CENPC: variants seen among roughly 807,000 people sequenced by gnomAD.
The protein encoded by CENPC is centromere protein C.
In CENPC, 63 loss-of-function variants were observed where a neutral mutation model predicts 112.1. The ratio of observed to expected loss-of-function variants is 0.56; its 90% CI spans 0.46 to 0.69. The LOEUF is 0.69. Among genes scored for constraint, CENPC ranks in the 30% least tolerant of loss-of-function variants. CENPC has a pLI of 0.00. For missense variants in CENPC, 1,000 were observed against 1,103.8 expected (o/e 0.91, Z 1.33); for synonymous variants, 333 against 367.6 (o/e 0.91, Z 1.08).
chr4:67,478,474 T>A (rs1216767246), intron 17 of CENPC, among the ~76,000 whole-genome samples: 1 of 152,044 alleles, frequency 6.6e-6, no homozygotes, highest in Admixed American at 6.5e-5. Flanking sequence ...GAAAGAAAGA[T>A]AAAGTCTTTT....
At chr4:67,494,471 G>A (rs1387614157) in intron 13 of CENPC, among the ~76,000 whole-genome samples, 1 of 152,034 alleles carries the variant, frequency 6.6e-6, no homozygotes, top group Non-Finnish European at 1.5e-5. Flanking sequence ...TTCACCCCAA[G>A]ACAAGCATTA....
At chr4:67,527,489 C>A (rs1472221374) in intron 5 of CENPC, among the ~76,000 whole-genome samples, 1 of 140,740 alleles carries the variant, frequency 7.1e-6, no homozygotes, top group African/African-American at 2.6e-5. Context: ...ATTTTCACCC[C>A]ATCCTTTTTT....
Position 67,495,179 on chromosome 4 carries a change from T to A in CENPC, c.2165A>T (p.Asn722Ile). Residue 722 changes from asparagine to isoleucine, a missense_variant, in exon 13 of 19, where the codon AAC becomes ATC. Transcript: ENST00000273853. Reference sequence around the variant, plus strand: ...CTTACCTAGTTTGTGATGGATTCTGTTCTTTGGTATCACTTTAGATTGTTT... The same window carrying A: ...CTTACCTAGTTTGTGATGGATTCTGATCTTTGGTATCACTTTAGATTGTTT... ...DSKQSKVIPK[N>I]RIHHKLVLPS... 1 of 1,531,602 alleles carries A rather than the reference T, an allele frequency of 6.5e-7. No homozygotes were observed. The highest frequency in any genetic ancestry group is 1.3e-5 in the South Asian group (1 of 79,126). 94.9% of individuals were successfully genotyped at this position (1,531,602 alleles called of 1,614,324 possible).
intron 9 of CENPC, chr4:67,510,818 G>A (rs548733650): frequency 3.3e-6 from 1 of 304,050 alleles, no homozygotes; most frequent in South Asian, 3.0e-5. Flanking sequence ...TCCATCAGAT[G>A]AGAGTTTAGA....
In CENPC at chr4:67,526,742, C is replaced by T. The variant is rs908927683; in HGVS notation, c.331+4073G>A. ...AAACCAATCTCTCCTTACTTAAATA[C>T]AAAAATCCTCAAAATTTTACCAAGT... On this transcript the variant is annotated intron_variant, in intron 5 of 18. Coordinates refer to ENST00000273853, the MANE Select transcript of CENPC (RefSeq NM_001812.4). Among the ~76,000 whole-genome samples the T allele has an allele frequency of 4.6e-5, 7 of 152,050 alleles. No individual in the cohort carries two copies. In the South Asian group the frequency reaches 1.5e-3, roughly 32 times the overall value.
At chr4:67,477,192 G>A (rs530334094) in intron 17 of CENPC, among the ~76,000 whole-genome samples, 14 of 152,248 alleles carry the variant, frequency 9.2e-5, no homozygotes, top group Non-Finnish European at 1.6e-4. Context: ...ATGCTCTCTT[G>A]AAAGTACCAT....
chr4:67,493,013 A>G lies in CENPC; in HGVS notation c.2291-16T>C. The stretch of plus-strand genomic sequence containing the variant: ...ACGAATCCTCCTGAAATTTAACAAA[A>G]AAAGTAAAATATACATGGGAAAGAC... On this transcript the variant is annotated splice_polypyrimidine_tract_variant and intron_variant, in intron 14 of 18. Transcript: ENST00000273853. 6.6e-7 allele frequency: 1 copy of G among 1,507,304 alleles called. No individual in the cohort carries two copies. The highest frequency in any genetic ancestry group is 8.8e-7 in the Non-Finnish European group (1 of 1,132,908). 93.4% of individuals were successfully genotyped at this position (1,507,304 alleles called of 1,614,324 possible).
chr4:67,496,066 G>A (rs1725423547), intron 12 of CENPC, among the ~76,000 whole-genome samples: 1 of 152,142 alleles, frequency 6.6e-6, no homozygotes, highest in Non-Finnish European at 1.5e-5. Flanking sequence ...GAAGTCTTGG[G>A]ATCTCACTCT....
intron 11 of CENPC, among the ~76,000 whole-genome samples, chr4:67,506,571 T>C (rs1244809831): frequency 6.6e-6 from 1 of 152,140 alleles, no homozygotes; most frequent in Non-Finnish European, 1.5e-5. Context: ...CAGACAAGAC[T>C]TTAAAGGGTT....
intron 8 of CENPC, among the ~76,000 whole-genome samples, 171 bp from the exon 9 acceptor site, chr4:67,512,740 T>C (rs1309555892): frequency 6.6e-6 from 1 of 152,152 alleles, no homozygotes; most frequent in Non-Finnish European, 1.5e-5. Flanking sequence ...TTATATGTGC[T>C]GCTGAAGTAA....
rs1413443914 is a variant in CENPC at position 67,468,962 on chromosome 4, A to C, written c.*3643T>G. 6.6e-6 allele frequency: 1 copy of C among 152,264 alleles called. No homozygotes were observed. The highest frequency in any genetic ancestry group is 1.5e-5 in the Non-Finnish European group (1 of 68,046). The allele number at this position is 152,264 out of a possible 1,614,324, so 9.4% of individuals were successfully genotyped here. A position where few individuals can be genotyped will look rare whatever the true frequency, so the allele number is the denominator to read the frequency against. ...AACAATATATAAGTGACAATATTACAGAGATGAAGAACAAATTAGTGATGA... is the reference window on the plus strand; with the variant it reads ...AACAATATATAAGTGACAATATTACCGAGATGAAGAACAAATTAGTGATGA... On this transcript the variant is annotated 3_prime_UTR_variant, in exon 19 of 19. Transcript: ENST00000273853.
In CENPC at chr4:67,474,494, G is replaced by A. The variant is rs182235678; in HGVS notation, c.2761+394C>T. Among the ~76,000 whole-genome samples the A allele has an allele frequency of 3.1e-3, 470 of 152,212 alleles. 1 individual carries two copies. The highest frequency in any genetic ancestry group is 0.011 in the African/African-American group (449 of 41,548). ...AAGGTGGGCAGATCACTTGAGGTCA[G>A]GTGATCTGTTACGGCTAACATAGCA... On this transcript the variant is annotated intron_variant, in intron 18 of 18. Coordinates refer to ENST00000273853, the MANE Select transcript of CENPC (RefSeq NM_001812.4).
chr4:67,543,758 AAAG>A (rs531953831), intron 2 of CENPC, among the ~76,000 whole-genome samples: 136 of 152,304 alleles, frequency 8.9e-4, no homozygotes, highest in Non-Finnish European at 1.7e-3. Flanking sequence ...TTTACAACTA[AAAG>A]AAGAACCAAA....
intron 15 of CENPC, among the ~76,000 whole-genome samples, 198 bp from the exon 16 acceptor site, chr4:67,492,473 C>A (rs1725311327): frequency 6.6e-6 from 1 of 152,094 alleles, no homozygotes; most frequent in Admixed American, 6.6e-5. Context: ...AAAGCAAACA[C>A]CCTAAACTTC....
intron 15 of CENPC, 197 bp downstream of exon 15, chr4:67,492,672 T>C (rs1023552068): frequency 8.3e-6 from 7 of 842,910 alleles, no homozygotes; most frequent in Non-Finnish European, 1.1e-5. Flanking sequence ...ATTTATAATA[T>C]GCTATTAATA....
chr4:67,474,248 G>A lies in CENPC; in HGVS notation c.2761+640C>T, dbSNP rs1240788885. On this transcript the variant is annotated intron_variant, in intron 18 of 18. Transcript: ENST00000273853. ...CCCAGCTAATTTTTTTGTATTTTTA[G>A]TAGAGATGGGGTTTCACTGTGTTAG... Among the ~76,000 whole-genome samples the A allele has an allele frequency of 3.3e-5, 5 of 152,118 alleles. No individual in the cohort carries two copies. In the East Asian group the frequency reaches 7.8e-4, roughly 24 times the overall value.
At chr4:67,511,993 T>A (rs355465) in intron 9 of CENPC, 98,468 of 155,578 alleles carry the variant, frequency 0.63, 31,431 homozygotes, top group East Asian at 0.81. Flanking sequence ...CTTGGGAACC[T>A]CCAACACAAG....
intron 7 of CENPC, among the ~76,000 whole-genome samples, chr4:67,516,380 G>A (rs899950917): frequency 1.3e-5 from 2 of 151,914 alleles, no homozygotes; most frequent in African/African-American, 2.4e-5. Context: ...ATACGCACTC[G>A]TTTCCACTTT....
chr4:67,482,906 G>A (rs914255020), intron 17 of CENPC, among the ~76,000 whole-genome samples: 3 of 151,530 alleles, frequency 2.0e-5, no homozygotes, highest in South Asian at 2.1e-4. Context: ...ACCTTGAATT[G>A]TAGCTGCCAT....
Sources: gnomAD v4.1 joint callset for allele counts (sites outside exome capture counted in the v4.1 genomes callset) on GRCh38, gnomAD v4.1.1 for gene constraint, MANE v1.5 for transcripts, NCBI Gene and HGNC (gene_info 2026-07-23, HGNC 2026-07-21) for gene names.